FAH: variants seen among roughly 807,000 people sequenced by gnomAD.
FAH encodes the protein fumarylacetoacetase.
A neutral mutation model predicts 55.8 loss-of-function variants in FAH; 47 were observed. The ratio of observed to expected loss-of-function variants is 0.84; its 90% CI spans 0.67 to 1.07. The LOEUF (loss-of-function observed/expected upper bound fraction) is 1.07. Among genes scored for constraint, FAH ranks in the 50% least tolerant of loss-of-function variants. The pLI is 0.00. For missense variants in FAH, 495 were observed against 545.9 expected (o/e 0.91, Z 0.93); for synonymous variants, 199 against 207.7 (o/e 0.96, Z 0.36).
intron 1 of FAH, among the ~76,000 whole-genome samples, chr15:80,155,717 AG>A (rs1386414429): frequency 1.3e-5 from 2 of 152,032 alleles, no homozygotes; most frequent in East Asian, 1.9e-4. Context: ...ACACAAGACA[AG>A]GGGGGCAGGG....
intron 11 of FAH, 110 bp downstream of exon 11, chr15:80,177,693 A>G (rs932287137): frequency 4.8e-6 from 5 of 1,044,392 alleles, no homozygotes; most frequent in Non-Finnish European, 7.5e-6. Flanking sequence ...ATGATGGGTC[A>G]GCCTGTGGGC....
chr15:80,181,172 A>G lies in FAH; in HGVS notation c.1180+13A>G. 2 of 1,571,374 alleles carry G rather than the reference A, an allele frequency of 1.3e-6. No homozygotes were observed. The highest frequency in any genetic ancestry group is 1.8e-6 in the Non-Finnish European group (2 of 1,141,468). ...GTCATCATAACAGGTGAGGGCTGCC[A>G]AACCCAGCAGCTCGTCTTCCTCCTT... On this transcript the variant is annotated intron_variant, in intron 13 of 13. Coordinates refer to ENST00000561421, the MANE Select transcript of FAH (RefSeq NM_000137.4).
Position 80,168,285 on chromosome 15 carries a change from C to G in FAH, c.575C>G (p.Ala192Gly), listed in dbSNP as rs756579459. 6.2e-7 allele frequency: 1 copy of G among 1,610,420 alleles called. No individual in the cohort carries two copies. The highest frequency in any genetic ancestry group is 1.7e-5 in the Admixed American group (1 of 59,910). ...CCAGCTAAGCCTCCCGTATATGGTG[C>G]CTGCAAGCTCTTGGACATGGAGCTG... is the stretch of plus-strand genomic sequence containing the variant. Reference protein sequence around the residue: ...PDDSKPPVYGACKLLDMELEM... With the variant: ...PDDSKPPVYGGCKLLDMELEM... Residue 192 changes from alanine to glycine, a missense_variant, in exon 7 of 14, where the codon GCC (alanine) becomes GGC (glycine). Ala to Gly is a moderately conservative substitution (Grantham distance 60). Coordinates refer to ENST00000561421, the MANE Select transcript of FAH (RefSeq NM_000137.4).
chr15:80,181,240 C>A, intron 13 of FAH, 81 bp downstream of exon 13: 2 of 946,128 alleles, frequency 2.1e-6, no homozygotes, highest in Non-Finnish European at 3.4e-6. Context: ...TCCTACCTGG[C>A]CATGAAGCCA....
chr15:80,175,151 T>C, intron 10 of FAH, 60 bp downstream of exon 10: 1 of 1,499,406 alleles, frequency 6.7e-7, no homozygotes, highest in Non-Finnish European at 9.3e-7. Context: ...CCTGTGTGCC[T>C]TGTCCTGAAG....
chr15:80,181,216 T>A, intron 13 of FAH, 57 bp downstream of exon 13: 1 of 1,254,428 alleles, frequency 8.0e-7, no homozygotes, highest in Non-Finnish European at 1.2e-6. Flanking sequence ...TGCACTGTTC[T>A]AGCTGCGGGG....
Position 80,168,038 on chromosome 15 carries a change from C to A in FAH, c.456-14C>A, listed in dbSNP as rs1567117352. 1 of 1,608,502 alleles carries A rather than the reference C, an allele frequency of 6.2e-7. No individual in the cohort carries two copies. Among genetic ancestry groups the A allele is most frequent in the Non-Finnish European group, 8.5e-7 (1 of 1,174,974 alleles). ...AGCTCTGATGCCCTGCATTCTCTTG[C>A]CTTCCTTTCTCAGGCTGCACTTACC... On this transcript the variant is annotated splice_polypyrimidine_tract_variant and intron_variant, in intron 5 of 13. Transcript: ENST00000561421.
intron 1 of FAH, chr15:80,156,534 A>G (rs139101586): frequency 6.6e-6 from 1 of 152,348 alleles, no homozygotes; most frequent in East Asian, 1.9e-4. Flanking sequence ...GGACAACTTT[A>G]TATCAGATAT....
At chr15:80,170,620 A>G (rs571876373) in intron 7 of FAH, among the ~76,000 whole-genome samples, 148 of 152,352 alleles carry the variant, frequency 9.7e-4, no homozygotes, top group Admixed American at 2.2e-3. Context: ...GTTTGGGGCC[A>G]TGGTCTTCTC....
chr15:80,153,944 A>C (rs1322743093), intron 1 of FAH, among the ~76,000 whole-genome samples: 1 of 152,150 alleles, frequency 6.6e-6, no homozygotes. Flanking sequence ...CAGAATCAGG[A>C]AATGTTTGCT....
intron 10 of FAH, 115 bp from the exon 11 acceptor site, chr15:80,177,422 T>G: frequency 2.0e-6 from 2 of 987,322 alleles, no homozygotes; most frequent in Middle Eastern, 4.5e-4. Flanking sequence ...TCACAGACTC[T>G]AAGTGAAATC....
intron 10 of FAH, among the ~76,000 whole-genome samples, chr15:80,176,406 A>C (rs963893711): frequency 6.6e-5 from 10 of 152,094 alleles, no homozygotes; most frequent in Non-Finnish European, 1.5e-4. Flanking sequence ...TCGGCCCTTC[A>C]TGAGGTGGTT....
At chr15:80,159,075 T>C (rs934099124) in intron 2 of FAH, among the ~76,000 whole-genome samples, 2 of 151,754 alleles carry the variant, frequency 1.3e-5, no homozygotes, top group Non-Finnish European at 1.5e-5. Flanking sequence ...CCCTCTCTAC[T>C]AAAAATACAA....
At chr15:80,182,981 G>A (rs907208460) in intron 13 of FAH, among the ~76,000 whole-genome samples, 1 of 152,226 alleles carries the variant, frequency 6.6e-6, no homozygotes, top group Non-Finnish European at 1.5e-5. Flanking sequence ...AGACCAGGCA[G>A]CTGTCCAGGG....
intron 7 of FAH, among the ~76,000 whole-genome samples, chr15:80,169,663 A>G (rs1346156325): frequency 2.6e-5 from 4 of 151,878 alleles, no homozygotes; most frequent in Non-Finnish European, 5.9e-5. Context: ...CCTCCCGAAT[A>G]GCTGGGACCA....
At position 80,179,481 on chromosome 15, in the gene FAH, G is replaced by A. The variant is rs116722046; in HGVS notation, c.961-643G>A. ...GCCGGGATGTGTGGCTGTAGGAATG[G>A]CAATGTGAGAAGCTGTGGCCTGGGA... On this transcript the variant is annotated intron_variant, in intron 11 of 13. Coordinates refer to ENST00000561421, the MANE Select transcript of FAH (RefSeq NM_000137.4). Among the ~76,000 whole-genome samples, 752 of 152,194 alleles carry A rather than the reference G, an allele frequency of 4.9e-3. 7 individuals are homozygous for A. Among genetic ancestry groups the A allele is most frequent in the African/African-American group, 0.017 (723 of 41,528 alleles).
In FAH at chr15:80,160,391, C is replaced by T; in HGVS notation, c.315-19C>T. 6.2e-7 allele frequency: 1 copy of T among 1,614,118 alleles called. No individual in the cohort carries two copies. Among genetic ancestry groups the T allele is most frequent in the Non-Finnish European group, 8.5e-7 (1 of 1,179,952 alleles). ...TTTGCTGCCTACTTGACTTTGAAGC[C>T]CCTGGTTCTGTGTTTCAGTGCATTC... On this transcript the variant is annotated intron_variant, in intron 3 of 13. Transcript: ENST00000561421.
intron 2 of FAH, 102 bp downstream of exon 2, chr15:80,158,272 C>T (rs191711779): frequency 6.8e-6 from 6 of 878,754 alleles, no homozygotes; most frequent in African/African-American, 4.9e-5. Context: ...GAGGTAATGC[C>T]ATCGAAGGTC....
In FAH at chr15:80,168,124, C is replaced by T. The variant is rs1299029114; in HGVS notation, c.528C>T (p.Pro176=). 6.2e-7 allele frequency: 1 copy of T among 1,614,026 alleles called. No individual in the cohort carries two copies. Among genetic ancestry groups the T allele is most frequent in the East Asian group, 2.2e-5 (1 of 44,884 alleles). Residue 176 remains proline (P), a synonymous_variant, in exon 6 of 14, where the codon CCC becomes CCT. Transcript: ENST00000561421. ...TGTCTGGCACCCCAATCCGAAGGCC[C>T]ATGGGACAGATGAAACCTGATGACT... ...VVVSGTPIRR[P]MGQMKPDDSK...
Sources: allele counts gnomAD v4.1 joint callset (sites outside exome capture counted in the v4.1 genomes callset), GRCh38; gene constraint gnomAD v4.1.1; transcripts MANE v1.5; gene names NCBI Gene and HGNC (gene_info 2026-07-23, HGNC 2026-07-21).